Variants in GPC5 observed in about 807,000 individuals in gnomAD.
The protein encoded by GPC5 is glypican 5.
GPC5 carries 47 observed loss-of-function variants against 53.9 expected under a neutral mutation model. That is an observed-to-expected ratio of 0.87 (90% CI 0.69 to 1.11). The LOEUF (loss-of-function observed/expected upper bound fraction) is 1.11, where lower values mean the gene tolerates loss of function less well. Ranked by LOEUF, GPC5 falls within the 50% of genes most tolerant of loss-of-function variation. The pLI is 0.00. For missense variants in GPC5, 748 were observed against 713.1 expected (o/e 1.05, Z -0.56); for synonymous variants, 286 against 263.3 (o/e 1.09, Z -0.84).
At chr13:91,446,913 G>A (rs1880848171) in intron 1 of GPC5, among the ~76,000 whole-genome samples, 1 of 152,252 alleles carries the variant, frequency 6.6e-6, no homozygotes, top group Non-Finnish European at 1.5e-5. Context: ...GGTAGGGTAA[G>A]TGTGTCTGAG....
intron 2 of GPC5, among the ~76,000 whole-genome samples, chr13:91,483,334 C>T (rs988357965): frequency 6.6e-6 from 1 of 152,032 alleles, no homozygotes; most frequent in Non-Finnish European, 1.5e-5. Context: ...TGTATGTTAG[C>T]GCTGGAATTG....
intron 7 of GPC5, among the ~76,000 whole-genome samples, chr13:92,342,278 C>G (rs886486315): frequency 2.0e-5 from 3 of 152,132 alleles, no homozygotes; most frequent in Non-Finnish European, 4.4e-5. Context: ...ACTGTTTCTC[C>G]CCTGGAATAT....
At chr13:92,264,626 A>G (rs1287016665) in intron 7 of GPC5, among the ~76,000 whole-genome samples, 1 of 151,878 alleles carries the variant, frequency 6.6e-6, no homozygotes, top group South Asian at 2.1e-4. Context: ...ACTAGTAACA[A>G]TGGGAGCTGC....
chr13:92,606,400 C>G (rs7981924), intron 7 of GPC5, among the ~76,000 whole-genome samples: 144,061 of 152,204 alleles, frequency 0.95, 68,250 homozygotes, highest in East Asian at 1. Context: ...ATCCATGTCC[C>G]TACAAAGGAC....
chr13:92,112,437 T>C (rs917865744), intron 6 of GPC5, among the ~76,000 whole-genome samples: 18 of 152,186 alleles, frequency 1.2e-4, no homozygotes, highest in African/African-American at 4.3e-4. Context: ...TGATAACTAA[T>C]GGAAAAGATA....
chr13:92,261,373 C>G (rs1462210000), intron 7 of GPC5, among the ~76,000 whole-genome samples: 2 of 152,092 alleles, frequency 1.3e-5, no homozygotes, highest in East Asian at 3.9e-4. Flanking sequence ...TGAAGTCAGA[C>G]TTCTCAGATA....
At chr13:92,301,149 T>C (rs2043072513) in intron 7 of GPC5, among the ~76,000 whole-genome samples, 1 of 152,198 alleles carries the variant, frequency 6.6e-6, no homozygotes. Context: ...CTAGAAGAAA[T>C]CTTGAGACTA....
chr13:91,547,060 T>C (rs2030336798), intron 2 of GPC5, among the ~76,000 whole-genome samples: 1 of 152,074 alleles, frequency 6.6e-6, no homozygotes, highest in Non-Finnish European at 1.5e-5. Flanking sequence ...AGGTTCTACA[T>C]TGAGCAACTG....
chr13:92,407,449 T>C (rs1326021112), intron 7 of GPC5, among the ~76,000 whole-genome samples: 2 of 151,210 alleles, frequency 1.3e-5, no homozygotes, highest in Admixed American at 6.6e-5. Context: ...ACTCCTTCAT[T>C]AAATTAAAGA....
intron 7 of GPC5, among the ~76,000 whole-genome samples, chr13:92,152,918 CAG>C (rs1362194973): frequency 6.6e-5 from 10 of 152,138 alleles, no homozygotes; most frequent in African/African-American, 4.8e-5. Flanking sequence ...TTTCACTGAA[CAG>C]AGAGTTTGCC....
intron 6 of GPC5, among the ~76,000 whole-genome samples, chr13:92,051,882 T>A (rs1181536657): frequency 6.6e-6 from 1 of 152,172 alleles, no homozygotes; most frequent in Non-Finnish European, 1.5e-5. Context: ...GGCAGGACTC[T>A]TTTTTTAGAG....
intron 6 of GPC5, among the ~76,000 whole-genome samples, chr13:92,032,117 T>A (rs190097846): frequency 1.1e-3 from 160 of 144,930 alleles, no homozygotes; most frequent in Non-Finnish European, 1.9e-3. Flanking sequence ...AAGGAACAAA[T>A]TAATGGCATT....
chr13:91,683,726 C>T (rs1181680902), intron 2 of GPC5, among the ~76,000 whole-genome samples: 1 of 152,196 alleles, frequency 6.6e-6, no homozygotes, highest in Non-Finnish European at 1.5e-5. Flanking sequence ...CTTTTGCTTA[C>T]TCAAGGAATT....
At chr13:92,018,243 A>G (rs910432035) in intron 6 of GPC5, among the ~76,000 whole-genome samples, 1 of 152,170 alleles carries the variant, frequency 6.6e-6, no homozygotes, top group East Asian at 1.9e-4. Context: ...TCAGCATCCA[A>G]TTAGTATATG....
In GPC5 at chr13:92,336,710, A is replaced by G. The variant is rs555843639; in HGVS notation, c.1561+191721A>G. 2.0e-5 allele frequency among the ~76,000 whole-genome samples: 3 copies of G among 152,304 alleles called. No individual in the cohort carries two copies. The South Asian group carries it at 6.2e-4, about 32-fold the overall frequency. ...GTATATAGTGATGAAAACAGGTGAAATTGTGGAAAGTAACCCTTCATTCAA... is the reference window on the plus strand; with the variant it reads ...GTATATAGTGATGAAAACAGGTGAAGTTGTGGAAAGTAACCCTTCATTCAA... On this transcript the variant is annotated intron_variant, in intron 7 of 7. Coordinates refer to ENST00000377067, the MANE Select transcript of GPC5 (RefSeq NM_004466.6).
chr13:92,839,047 T>C (rs916065566), intron 7 of GPC5, among the ~76,000 whole-genome samples: 3 of 152,230 alleles, frequency 2.0e-5, no homozygotes, highest in Non-Finnish European at 2.9e-5. Flanking sequence ...TAATAGGAAC[T>C]TAAACCACTT....
rs373711339 is a variant in GPC5, at chr13:92,281,737, C to G, written c.1561+136748C>G. 3.2e-4 allele frequency among the ~76,000 whole-genome samples: 49 copies of G among 152,248 alleles called. No homozygotes were observed. In the East Asian group the frequency reaches 5.6e-3, roughly 17 times the overall value. ...AACAGAAAGGACATCCACACCAAAA[C>G]CCCATCTGTACATCAACATCAGCAA... is the stretch of plus-strand genomic sequence containing the variant. On this transcript the variant is annotated intron_variant, in intron 7 of 7. Transcript: ENST00000377067.
chr13:92,058,292 G>A (rs1415883120), intron 6 of GPC5, among the ~76,000 whole-genome samples: 1 of 152,112 alleles, frequency 6.6e-6, no homozygotes, highest in Non-Finnish European at 1.5e-5. Context: ...CTCCCGTAGT[G>A]GTGGAATTAG....
intron 6 of GPC5, among the ~76,000 whole-genome samples, chr13:92,141,103 G>A (rs1400080923): frequency 6.6e-6 from 1 of 152,154 alleles, no homozygotes; most frequent in Non-Finnish European, 1.5e-5. Context: ...AAGAAAATTT[G>A]AATAAAGATC....
Sources: gnomAD v4.1 joint callset for allele counts (sites outside exome capture counted in the v4.1 genomes callset) on GRCh38, gnomAD v4.1.1 for gene constraint, MANE v1.5 for transcripts, NCBI Gene and HGNC (gene_info 2026-07-23, HGNC 2026-07-21) for gene names.